The following LYST variants were observed in gnomAD, a reference collection of about 807,000 sequenced individuals.
LYST encodes the protein lysosomal trafficking regulator.
LYST carries 192 observed loss-of-function variants against 413.6 expected under a neutral mutation model. The observed-to-expected ratio is 0.46, with a 90% CI of 0.41 to 0.52. LYST has a LOEUF of 0.52. Among genes scored for constraint, LYST ranks in the 20% least tolerant of loss-of-function variants. LYST has a pLI of 0.00. For missense variants in LYST, 3,815 were observed against 4,499.9 expected (o/e 0.85, Z 4.35); for synonymous variants, 1,525 against 1,567.3 (o/e 0.97, Z 0.64).
intron 17 of LYST, among the ~76,000 whole-genome samples, chr1:235,775,311 C>A (rs138135210): frequency 6.6e-6 from 1 of 152,230 alleles, no homozygotes; most frequent in East Asian, 1.9e-4. Context: ...TACAATGACA[C>A]ACAACCTTAG....
chr1:235,866,548 G>A (rs943984482), intron 1 of LYST, among the ~76,000 whole-genome samples: 2 of 152,236 alleles, frequency 1.3e-5, no homozygotes, highest in African/African-American at 4.8e-5. Flanking sequence ...TTAGTGCCCA[G>A]TGGCCGCTGC....
chr1:235,755,877 A>G (rs1237966235), intron 24 of LYST, among the ~76,000 whole-genome samples: 3 of 152,124 alleles, frequency 2.0e-5, no homozygotes, highest in African/African-American at 7.2e-5. Context: ...TCTCATGGGG[A>G]AACTGGCATT....
chr1:235,673,125 A>G (rs1042935865), intron 50 of LYST, among the ~76,000 whole-genome samples: 7 of 152,204 alleles, frequency 4.6e-5, no homozygotes, highest in Non-Finnish European at 1.0e-4. Context: ...TACCCGAGTC[A>G]AGAAAGCACT....
intron 28 of LYST, among the ~76,000 whole-genome samples, chr1:235,748,368 T>A (rs1339012511): frequency 1.3e-5 from 2 of 152,136 alleles, no homozygotes; most frequent in Admixed American, 1.3e-4. Context: ...GCTACCTTAT[T>A]TATAATAGCA....
At chr1:235,691,111 G>C (rs1008589921) in intron 47 of LYST, among the ~76,000 whole-genome samples, 1 of 151,980 alleles carries the variant, frequency 6.6e-6, no homozygotes, top group Admixed American at 6.6e-5. Context: ...GTAGAGACGG[G>C]GTTTCACTGT....
chr1:235,745,023 T>C (rs1464418622), intron 29 of LYST, among the ~76,000 whole-genome samples: 1 of 152,218 alleles, frequency 6.6e-6, no homozygotes, highest in Non-Finnish European at 1.5e-5. Flanking sequence ...TTCCTCGGGT[T>C]ACCTGAACAT....
intron 1 of LYST, among the ~76,000 whole-genome samples, chr1:235,855,169 T>C (rs574373590): frequency 6.6e-6 from 1 of 152,320 alleles, no homozygotes; most frequent in South Asian, 2.1e-4. Context: ...TATTGTTTCT[T>C]TTAAAACTAG....
At position 235,809,637 on chromosome 1, in the gene LYST, T is replaced by C. The variant is rs1313646483; in HGVS notation, c.1181A>G (p.Tyr394Cys). ...AGGTAAAAGAAGGGCTCTATGACGA[T>C]ACTTTGAAAACACAAAATCTTCCTG... ...EVQEDFVFSKYRHRALLLPEL... is the reference protein window; with the variant it reads ...EVQEDFVFSKCRHRALLLPEL... Residue 394 changes from tyrosine to cysteine, a missense_variant, in exon 5 of 53, where the codon TAT becomes TGT. Tyr to Cys is a radical substitution (Grantham distance 194). Around this residue, in one of 4 missense-constraint regions of LYST, gnomAD observed 1,648 missense variants for 1,810.3 expected, o/e 0.91. Transcript: ENST00000389793. The surrounding 1 kb of genome is among the most constrained non-coding windows in gnomAD (Gnocchi z 4.0). 6.2e-7 allele frequency: 1 copy of C among 1,614,010 alleles called. No individual in the cohort carries two copies.
At chr1:235,865,927 C>A (rs1045157073) in intron 1 of LYST, among the ~76,000 whole-genome samples, 1 of 152,204 alleles carries the variant, frequency 6.6e-6, no homozygotes, top group African/African-American at 2.4e-5. Context: ...ACACAAGATT[C>A]GACTCCCTTA....
rs368677394 is a variant in LYST, at chr1:235,791,689, G to A, written c.4543+10C>T. Reference sequence around the variant, plus strand: ...CTTTGTGTACAAATCAGATAATCCTGTCATCATACCTGTACCATCAAAACT... The same window carrying A: ...CTTTGTGTACAAATCAGATAATCCTATCATCATACCTGTACCATCAAAACT... On this transcript the variant is annotated intron_variant, in intron 12 of 52. Coordinates refer to ENST00000389793, the MANE Select transcript of LYST (RefSeq NM_000081.4). 67 of 1,597,450 alleles carry A rather than the reference G, an allele frequency of 4.2e-5. No homozygotes were observed. The highest frequency in any genetic ancestry group is 5.1e-5 in the Non-Finnish European group (59 of 1,167,578).
At chr1:235,737,919 C>CAAGG in intron 31 of LYST, 1 of 1,160,712 alleles carries the variant, frequency 8.6e-7, no homozygotes, top group Admixed American at 4.5e-5. Flanking sequence ...GCCGACGAGT[C>CAAGG]TGGATCTCAC....
intron 22 of LYST, 43 bp from the exon 23 acceptor site, chr1:235,759,642 A>C (rs750974811): frequency 7.0e-7 from 1 of 1,424,120 alleles, no homozygotes; most frequent in African/African-American, 1.4e-5. Context: ...AAATCTATTA[A>C]GTGGAACCAC....
intron 44 of LYST, among the ~76,000 whole-genome samples, chr1:235,704,686 C>T (rs1219118239): frequency 6.6e-6 from 1 of 151,998 alleles, no homozygotes; most frequent in Admixed American, 6.6e-5. Flanking sequence ...CAAATATTTT[C>T]TCCCATTCTG....
chr1:235,702,780 C>T lies in LYST; in HGVS notation c.10341G>A (p.Glu3447=), dbSNP rs752160342. 3.1e-6 allele frequency: 5 copies of T among 1,614,064 alleles called. No individual in the cohort carries two copies. The South Asian group carries it at 4.4e-5, about 14-fold the overall frequency. ...TGATTTCTTTGACCTGTTCTCGGGTCTCCCTGAAAGCAAACTGCACTAGCA... is the reference window on the plus strand; with the variant it reads ...TGATTTCTTTGACCTGTTCTCGGGTTTCCCTGAAAGCAAACTGCACTAGCA... The part of the protein sequence containing the change: ...VGLLVQFAFR[E]TREQVKEITY... The change falls in exon 45 of 53, where the codon GAG becomes GAA. Residue 3447 remains glutamate (E), a synonymous_variant. Coordinates refer to ENST00000389793, the MANE Select transcript of LYST (RefSeq NM_000081.4).
intron 10 of LYST, among the ~76,000 whole-genome samples, chr1:235,795,379 A>G (rs1330533405): frequency 6.6e-6 from 1 of 152,200 alleles, no homozygotes; most frequent in African/African-American, 2.4e-5. Flanking sequence ...CTGCCTAACC[A>G]AAGGGAAAAG....
chr1:235,663,209 G>A, intron 52 of LYST, 131 bp from the exon 53 acceptor site: 1 of 698,808 alleles, frequency 1.4e-6, no homozygotes, highest in Non-Finnish European at 2.6e-6. Flanking sequence ...CTAAATGACT[G>A]CCTACAACTC....
chr1:235,831,890 G>A (rs1416545221), intron 2 of LYST, among the ~76,000 whole-genome samples: 1 of 151,916 alleles, frequency 6.6e-6, no homozygotes, highest in Non-Finnish European at 1.5e-5. Flanking sequence ...CATTGAATCT[G>A]TTCATAATTT....
intron 14 of LYST, among the ~76,000 whole-genome samples, chr1:235,782,675 T>C (rs1185563926): frequency 6.6e-6 from 1 of 152,176 alleles, no homozygotes; most frequent in African/African-American, 2.4e-5. Flanking sequence ...TTGACTTCTG[T>C]ATATGCACCT....
intron 40 of LYST, among the ~76,000 whole-genome samples, chr1:235,717,356 T>C (rs1558146851): frequency 6.6e-6 from 1 of 152,332 alleles, no homozygotes; most frequent in East Asian, 1.9e-4. Flanking sequence ...TTGCGCACAG[T>C]GTAGAGTATG....
Sources: gnomAD v4.1 joint callset for allele counts (sites outside exome capture counted in the v4.1 genomes callset) on GRCh38, gnomAD v4.1.1 for gene constraint, gnomAD v4.1.1 regional missense constraint, Gnocchi (gnomAD v3.1) non-coding constraint, MANE v1.5 for transcripts, NCBI Gene and HGNC (gene_info 2026-07-23, HGNC 2026-07-21) for gene names.